Variants in IWS1 observed in about 807,000 individuals in gnomAD.
IWS1 encodes interacts with SUPT6H, CTD assembly factor 1.
Under a neutral mutation model 86.7 loss-of-function variants are expected in IWS1, and 27 were observed. The observed-to-expected ratio is 0.31, with a 90% CI of 0.23 to 0.43. The LOEUF (loss-of-function observed/expected upper bound fraction) is 0.43. Ranked by LOEUF, IWS1 falls within the 20% of genes least tolerant of loss-of-function variation. The probability of loss-of-function intolerance (pLI) is 1.00; values close to 1 mark genes in which losing one functional copy is unlikely to be tolerated. For missense variants in IWS1, 827 were observed against 1,000.8 expected (o/e 0.83, Z 2.34); for synonymous variants, 313 against 335.1 (o/e 0.93, Z 0.72).
In IWS1 at chr2:127,489,090, TA is replaced by T. The variant is rs1690080783; in HGVS notation, c.2216+88del. ...AAGTCACCTCCCACAAATGAGAGCA[TA>T]ACATCATTTCATTTACTACTTTTCT... is the stretch of plus-strand genomic sequence containing the variant. On this transcript the variant is annotated intron_variant, in intron 12 of 13. Coordinates refer to ENST00000295321, the MANE Select transcript of IWS1 (RefSeq NM_017969.3). This position sits in a 1 kb window ranked among gnomAD's most constrained non-coding sequence, Gnocchi z 4.8. 2 of 909,384 alleles carry T rather than the reference TA, an allele frequency of 2.2e-6. No homozygotes were observed. The highest frequency in any genetic ancestry group is 4.3e-5 in the Admixed American group (2 of 46,102). The allele number at this position is 909,384 out of a possible 1,614,324, so 56.3% of individuals were successfully genotyped here. A position where few individuals can be genotyped will look rare whatever the true frequency, so the allele number is the denominator to read the frequency against.
chr2:127,508,940 T>A (rs941501088), intron 2 of IWS1, among the ~76,000 whole-genome samples: 1 of 152,162 alleles, frequency 6.6e-6, no homozygotes. Context: ...TCCTGACACA[T>A]GGTGTAGCAT....
chr2:127,507,995 G>A (rs1691235001), intron 2 of IWS1, among the ~76,000 whole-genome samples: 1 of 152,176 alleles, frequency 6.6e-6, no homozygotes, highest in African/African-American at 2.4e-5. Flanking sequence ...AGCTCACTCT[G>A]TATAAGTAAA....
chr2:127,504,964 A>C lies in IWS1; in HGVS notation c.939T>G (p.Ser313Arg). Residue 313 changes from serine (S) to arginine (R), a missense_variant, in exon 3 of 14, where the codon AGT becomes AGG. Around this residue, in one of 2 missense-constraint regions of IWS1, gnomAD observed 548 missense variants for 560.2 expected, o/e 0.98. Coordinates refer to ENST00000295321, the MANE Select transcript of IWS1 (RefSeq NM_017969.3). ...ESEGPQKGPA[S>R]DSETEDASRH... Reference sequence around the variant, plus strand: ...TGGACGCATCCTCAGTTTCTGAGTCACTGGCAGGCCCCTTCTGAGGCCCCT... The same window carrying C: ...TGGACGCATCCTCAGTTTCTGAGTCCCTGGCAGGCCCCTTCTGAGGCCCCT... The C allele has an allele frequency of 6.2e-7, 1 of 1,614,110 alleles. No individual in the cohort carries two copies. Among genetic ancestry groups the C allele is most frequent in the South Asian group, 1.1e-5 (1 of 91,080 alleles).
intron 2 of IWS1, among the ~76,000 whole-genome samples, chr2:127,513,089 A>G (rs949284484): frequency 4.6e-5 from 7 of 152,160 alleles, no homozygotes; most frequent in African/African-American, 1.4e-4. Flanking sequence ...AAAAATACAA[A>G]AAGTAGCTGG....
chr2:127,518,562 C>CTTTT (rs747745807), intron 2 of IWS1, among the ~76,000 whole-genome samples: 15 of 116,838 alleles, frequency 1.3e-4, no homozygotes, highest in African/African-American at 2.3e-4. Context: ...ACAGGCGATT[C>CTTTT]TTTTTTTTTT....
intron 5 of IWS1, among the ~76,000 whole-genome samples, chr2:127,501,542 T>C (rs1690810961): frequency 6.6e-6 from 1 of 152,184 alleles, no homozygotes; most frequent in Non-Finnish European, 1.5e-5. Flanking sequence ...ATTATTCCAA[T>C]TTTTGCGAAA....
chr2:127,481,449 G>T lies in IWS1; in HGVS notation c.2329-274C>A, dbSNP rs536611552. ...GTCTCCTAGATGGGAGAAAGGGGGG[G>T]GGAAACTGAGACTATGATCCTCCCA... On this transcript the variant is annotated intron_variant, in intron 13 of 13. Transcript: ENST00000295321. Among the ~76,000 whole-genome samples, 23 of 151,902 alleles carry T rather than the reference G, an allele frequency of 1.5e-4. No individual in the cohort carries two copies. In the South Asian group the frequency reaches 4.6e-3, roughly 30 times the overall value.
intron 2 of IWS1, chr2:127,514,369 T>C (rs1691651597): frequency 1.3e-5 from 2 of 154,474 alleles, no homozygotes; most frequent in Middle Eastern, 5.1e-4. Context: ...TCTAACACTG[T>C]ACCCCTCCCT....
chr2:127,502,729 T>C, intron 5 of IWS1, 86 bp downstream of exon 5: 1 of 664,142 alleles, frequency 1.5e-6, no homozygotes, highest in Non-Finnish European at 2.7e-6. Context: ...TTCCTACTTA[T>C]TAGAATCATC....
In IWS1 at chr2:127,505,049, T is replaced by C; in HGVS notation, c.854A>G (p.Gln285Arg). Reference protein sequence around the residue: ...DSESEDPPRNQASDSENEELP... With the variant: ...DSESEDPPRNRASDSENEELP... ...CTCCTCATTTTCCGAATCACTGGCC[T>C]GGTTCCTTGGGGGATCCTCACTTTC... Residue 285 changes from glutamine to arginine, a missense_variant, in exon 3 of 14, where the codon CAG becomes CGG. Physicochemically the swap from Gln to Arg is conservative, Grantham distance 43 (BLOSUM62 1). Coordinates refer to ENST00000295321, the MANE Select transcript of IWS1 (RefSeq NM_017969.3). The surrounding 1 kb of genome is among the most constrained non-coding windows in gnomAD (Gnocchi z 5.0). 1 of 1,612,322 alleles carries C rather than the reference T, an allele frequency of 6.2e-7. No homozygotes were observed. The highest frequency in any genetic ancestry group is 8.5e-7 in the Non-Finnish European group (1 of 1,179,482).
chr2:127,526,612 G>A (rs1450596358), upstream of IWS1: 1 of 1,351,836 alleles, frequency 7.4e-7, no homozygotes, highest in African/African-American at 1.5e-5. Context: ...AAATTGAGCT[G>A]GAACTCGGGC....
At chr2:127,494,248 A>T (rs75715244) in intron 8 of IWS1, among the ~76,000 whole-genome samples, 7 of 100,428 alleles carry the variant, frequency 7.0e-5, no homozygotes, top group African/African-American at 2.2e-4. Flanking sequence ...CTCTAATTAA[A>T]AAAAAAAAAA....
chr2:127,512,338 C>T (rs1050220887), intron 2 of IWS1, among the ~76,000 whole-genome samples: 122 of 152,334 alleles, frequency 8.0e-4, no homozygotes, highest in African/African-American at 2.5e-3. Flanking sequence ...TCACATTTGA[C>T]GGCCACCCCT....
At position 127,496,095 on chromosome 2, in the gene IWS1, C is replaced by G; in HGVS notation, c.1619G>C (p.Ser540Thr). Reference sequence around the variant, plus strand: ...ATCGCGGTTCCGTCTGCGCTTGCCACTCATGCTCTTTTTTCGCTGCAACAT... The same window carrying G: ...ATCGCGGTTCCGTCTGCGCTTGCCAGTCATGCTCTTTTTTCGCTGCAACAT... ...EMMLQRKKSM[S>T]GKRRRNRDGG... The change falls in exon 7 of 14, where the codon AGT becomes ACT. Residue 540 changes from serine (S) to threonine (T), a missense_variant. This residue lies in a region of IWS1 where 279 missense variants were observed against 440.6 expected (regional missense o/e 0.63). Coordinates refer to ENST00000295321, the MANE Select transcript of IWS1 (RefSeq NM_017969.3). The G allele has an allele frequency of 6.2e-7, 1 of 1,613,988 alleles. No homozygotes were observed. The highest frequency in any genetic ancestry group is 8.5e-7 in the Non-Finnish European group (1 of 1,179,988).
intron 5 of IWS1, among the ~76,000 whole-genome samples, chr2:127,500,840 T>C (rs1256623659): frequency 6.6e-6 from 1 of 152,178 alleles, no homozygotes; most frequent in Non-Finnish European, 1.5e-5. Context: ...TTGTTCCACT[T>C]TCCCCCCCTA....
At position 127,481,026 on chromosome 2, in the gene IWS1, G is replaced by A. The variant is rs371511015; in HGVS notation, c.*18C>T. 1.8e-5 allele frequency: 28 copies of A among 1,597,650 alleles called. No individual in the cohort carries two copies. In the African/African-American group the frequency reaches 3.0e-4, roughly 17 times the overall value. ...GCGCATTTCTTAGAGTAGAGATGGG[G>A]ACACATTCCAGGCAAGGTCACAATG... On this transcript the variant is annotated 3_prime_UTR_variant, in exon 14 of 14. Coordinates refer to ENST00000295321, the MANE Select transcript of IWS1 (RefSeq NM_017969.3).
At chr2:127,500,115 T>C (rs1396605336) in intron 5 of IWS1, among the ~76,000 whole-genome samples, 1 of 152,190 alleles carries the variant, frequency 6.6e-6, no homozygotes, top group Non-Finnish European at 1.5e-5. Context: ...TTTGATCCTA[T>C]GTTAAAATTA....
upstream of IWS1, chr2:127,526,681 T>C (rs1398604161): frequency 7.6e-7 from 1 of 1,311,348 alleles, no homozygotes; most frequent in Non-Finnish European, 1.0e-6. Context: ...AATAACGTTA[T>C]CATTGATTCT....
rs758586226 is a variant in IWS1 at position 127,526,165 on chromosome 2, C to T, written c.34+10G>A. 2 of 1,598,186 alleles carry T rather than the reference C, an allele frequency of 1.3e-6. No homozygotes were observed. The highest frequency in any genetic ancestry group is 1.7e-6 in the Non-Finnish European group (2 of 1,172,748). ...GCCTCCCAGCCCGGTCCCCCAGGTC[C>T]CTGCCCCACCTGACTGGTCGCCGCT... On this transcript the variant is annotated intron_variant, in intron 1 of 13. Coordinates refer to ENST00000295321, the MANE Select transcript of IWS1 (RefSeq NM_017969.3).
Sources: allele counts gnomAD v4.1 joint callset (sites outside exome capture counted in the v4.1 genomes callset), GRCh38; gene constraint gnomAD v4.1.1; regional missense constraint gnomAD v4.1.1; non-coding constraint Gnocchi (gnomAD v3.1); transcripts MANE v1.5; gene names NCBI Gene and HGNC (gene_info 2026-07-23, HGNC 2026-07-21).